The following SCN7A variants were observed in gnomAD, a reference collection of about 807,000 sequenced individuals.
SCN7A encodes the protein sodium voltage-gated channel alpha subunit 7, also known as sodium channel protein type 7 subunit alpha.
Under a neutral mutation model 155.2 loss-of-function variants are expected in SCN7A, and 138 were observed. The observed-to-expected ratio is 0.89, with a 90% CI of 0.77 to 1.02. SCN7A has a LOEUF of 1.02. Among genes scored for constraint, SCN7A ranks in the 50% least tolerant of loss-of-function variants. SCN7A has a pLI of 0.00. For missense variants in SCN7A, 2,058 were observed against 1,986.6 expected (o/e 1.04, Z -0.68); for synonymous variants, 693 against 649.0 (o/e 1.07, Z -1.03).
At position 166,418,683 on chromosome 2, in the gene SCN7A, T is replaced by G. The variant is rs556158749; in HGVS notation, c.3136-1698A>C. 5.3e-5 allele frequency among the ~76,000 whole-genome samples: 8 copies of G among 152,242 alleles called. No individual in the cohort carries two copies. The South Asian group carries it at 1.7e-3, about 32-fold the overall frequency. On this transcript the variant is annotated intron_variant, in intron 20 of 25. Coordinates refer to ENST00000643258, the MANE Select transcript of SCN7A (RefSeq NM_002976.4). The stretch of plus-strand genomic sequence containing the variant: ...TAGATCACAGATCTTTTGTTAATAC[T>G]TTTAAATATTTTGAAAGGTCCATTA...
Position 166,473,719 on chromosome 2 carries a change from ATGT to A in SCN7A, c.443+77_443+79del, listed in dbSNP as rs1702710483. 8 of 329,038 alleles carry A rather than the reference ATGT, an allele frequency of 2.4e-5. No homozygotes were observed. The East Asian group carries it at 4.7e-4, about 19-fold the overall frequency. The allele number at this position is 329,038 out of a possible 1,614,324, so 20.4% of individuals were successfully genotyped here. ...ATAAAATATAATGTATCATAATTCAATGTTATTAAAATAAAATGTAAAATATTA... is the reference window on the plus strand; with the variant it reads ...ATAAAATATAATGTATCATAATTCAATATTAAAATAAAATGTAAAATATTA... On this transcript the variant is annotated intron_variant, in intron 5 of 25. Coordinates refer to ENST00000643258, the MANE Select transcript of SCN7A (RefSeq NM_002976.4).
chr2:166,417,062 T>A, intron 20 of SCN7A, 77 bp from the exon 21 acceptor site: 1 of 1,106,308 alleles, frequency 9.0e-7, no homozygotes, highest in Non-Finnish European at 1.3e-6. Flanking sequence ...TGAAAAATAC[T>A]AATTGATAGA....
intron 21 of SCN7A, among the ~76,000 whole-genome samples, chr2:166,414,277 T>TGTAA (rs1701302270): frequency 8.5e-4 from 28 of 33,080 alleles, no homozygotes; most frequent in South Asian, 1.6e-3. Context: ...CACACATATA[T>TGTAA]ATATATATAC....
At chr2:166,436,455 G>C (rs1381384007) in intron 15 of SCN7A, 2 of 407,710 alleles carry the variant, frequency 4.9e-6, no homozygotes, top group Admixed American at 2.7e-5. Context: ...GGAACCGTGA[G>C]TCAGTTAAAC....
chr2:166,488,346 CT>C (rs71395234), intron 1 of SCN7A, among the ~76,000 whole-genome samples: 44,671 of 152,004 alleles, frequency 0.29, 6,955 homozygotes, highest in Non-Finnish European at 0.35. Context: ...AAATGCATTG[CT>C]TTTTTTAATT....
chr2:166,457,226 A>G (rs1297370812), intron 10 of SCN7A, 150 bp from the exon 11 acceptor site: 7 of 608,970 alleles, frequency 1.1e-5, no homozygotes, highest in African/African-American at 9.3e-5. Flanking sequence ...CACTGGCTCC[A>G]CCTGAAGAAA....
In SCN7A at chr2:166,432,459, GTT is replaced by G. The variant is rs1454640915; in HGVS notation, c.2449_2450del (p.Asn817ArgfsTer3). On this transcript the variant is annotated frameshift_variant, in exon 16 of 26. Transcript: ENST00000643258. LOFTEE classifies it high-confidence loss of function. The part of the protein sequence containing the change: ...DKEKSSGTEK[N>X]ATENESQSLI... ...GTGATTGGCTCTCATTTTCAGTAGCGTTTTTCTCTGTGCCACTGCTTTTTTCC... is the reference window on the plus strand; with the variant it reads ...GTGATTGGCTCTCATTTTCAGTAGCGTTTCTCTGTGCCACTGCTTTTTTCC... The G allele has an allele frequency of 6.2e-7, 1 of 1,613,484 alleles. No individual in the cohort carries two copies.
rs1012522242 is a variant in SCN7A at position 166,417,106 on chromosome 2, T to C, written c.3136-121A>G. Reference sequence around the variant, plus strand: ...TTTAAAAAAAAACCTTAAAAGGCCATATCTAAAGATTTAACAGCCCACATG... The same window carrying C: ...TTTAAAAAAAAACCTTAAAAGGCCACATCTAAAGATTTAACAGCCCACATG... On this transcript the variant is annotated intron_variant, in intron 20 of 25. Coordinates refer to ENST00000643258, the MANE Select transcript of SCN7A (RefSeq NM_002976.4). 5 of 752,144 alleles carry C rather than the reference T, an allele frequency of 6.6e-6. No homozygotes were observed. In the African/African-American group the frequency reaches 7.2e-5, roughly 11 times the overall value. 46.6% of individuals were successfully genotyped at this position (752,144 alleles called of 1,614,324 possible).
chr2:166,414,286 ACACACAC>A, intron 21 of SCN7A, among the ~76,000 whole-genome samples: 27 of 25,670 alleles, frequency 1.1e-3, no homozygotes, highest in African/African-American at 4.4e-3. Flanking sequence ...ATATATATAT[ACACACAC>A]ATATATATAT....
chr2:166,490,337 T>A (rs1326788353), intron 1 of SCN7A, among the ~76,000 whole-genome samples: 1 of 152,190 alleles, frequency 6.6e-6, no homozygotes, highest in African/African-American at 2.4e-5. Context: ...ATTTCACATT[T>A]CTATGAGATC....
Position 166,471,169 on chromosome 2 carries a change from A to G in SCN7A, c.573-463T>C, listed in dbSNP as rs569520643. 2.6e-5 allele frequency among the ~76,000 whole-genome samples: 4 copies of G among 152,032 alleles called. No homozygotes were observed. The South Asian group carries it at 8.3e-4, about 31-fold the overall frequency. On this transcript the variant is annotated intron_variant, in intron 6 of 25. Coordinates refer to ENST00000643258, the MANE Select transcript of SCN7A (RefSeq NM_002976.4). ...GGATGATGGTGATGAAGGTATAAGC[A>G]GACTGTGTGTTGTTTAAGGGCACAG...
At chr2:166,417,161 CA>C (rs1701397333) in intron 20 of SCN7A, among the ~76,000 whole-genome samples, 176 bp from the exon 21 acceptor site, 1 of 152,122 alleles carries the variant, frequency 6.6e-6, no homozygotes, top group Non-Finnish European at 1.5e-5. Context: ...AATAGCAATT[CA>C]ATTTTTATTT....
chr2:166,442,803 A>G (rs1305027600), intron 14 of SCN7A, among the ~76,000 whole-genome samples: 1 of 152,220 alleles, frequency 6.6e-6, no homozygotes, highest in Non-Finnish European at 1.5e-5. Context: ...AAATTTGGTG[A>G]CAACATCCTG....
chr2:166,484,196 T>C (rs1253540381), intron 2 of SCN7A, among the ~76,000 whole-genome samples: 4 of 151,942 alleles, frequency 2.6e-5, no homozygotes, highest in Non-Finnish European at 5.9e-5. Context: ...ATATAAAGAA[T>C]ATGGACTATG....
chr2:166,486,698 C>A (rs940014622), intron 2 of SCN7A, among the ~76,000 whole-genome samples, 158 bp downstream of exon 2: 1 of 152,212 alleles, frequency 6.6e-6, no homozygotes, highest in African/African-American at 2.4e-5. Context: ...CTGATGCAGA[C>A]TGCTAGGCAG....
chr2:166,412,174 A>G (rs1237195787), intron 23 of SCN7A, among the ~76,000 whole-genome samples: 3 of 152,092 alleles, frequency 2.0e-5, no homozygotes, highest in Non-Finnish European at 4.4e-5. Flanking sequence ...CTTTAAATAT[A>G]ACAGAGAGTA....
rs1325083223 is a variant in SCN7A at position 166,432,756 on chromosome 2, A to C, written c.2158-4T>G. On this transcript the variant is annotated splice_region_variant and splice_polypyrimidine_tract_variant and intron_variant, in intron 15 of 25. Coordinates refer to ENST00000643258, the MANE Select transcript of SCN7A (RefSeq NM_002976.4). The stretch of plus-strand genomic sequence containing the variant: ...ATGCCAGAAACAGGTAAAGTACCTA[A>C]ATAAGGAAGTAAAATGAGGCTAAAT... The C allele has an allele frequency of 1.3e-6, 2 of 1,514,980 alleles. No homozygotes were observed. Among genetic ancestry groups the C allele is most frequent in the Non-Finnish European group, 1.8e-6 (2 of 1,137,284 alleles). The allele number at this position is 1,514,980 out of a possible 1,614,324, so 93.8% of individuals were successfully genotyped here.
At chr2:166,469,711 G>A (rs1457510760) in intron 7 of SCN7A, among the ~76,000 whole-genome samples, 1 of 151,794 alleles carries the variant, frequency 6.6e-6, no homozygotes, top group Non-Finnish European at 1.5e-5. Flanking sequence ...GTGGGGAGTA[G>A]TAAGGGAGCT....
At chr2:166,456,437 A>G (rs1019425870) in intron 11 of SCN7A, among the ~76,000 whole-genome samples, 1 of 152,214 alleles carries the variant, frequency 6.6e-6, no homozygotes, top group Non-Finnish European at 1.5e-5. Flanking sequence ...AAATTTAAAA[A>G]TTTAAAACTG....
Sources: allele counts gnomAD v4.1 joint callset (sites outside exome capture counted in the v4.1 genomes callset), GRCh38; gene constraint gnomAD v4.1.1; transcripts MANE v1.5; gene names NCBI Gene and HGNC (gene_info 2026-07-23, HGNC 2026-07-21).